Variants in SMAP1 observed in about 807,000 individuals in gnomAD.
SMAP1 encodes the protein small ArfGAP 1, also known as stromal membrane-associated protein 1.
SMAP1 carries 24 observed loss-of-function variants against 58.5 expected under a neutral mutation model. That is an observed-to-expected ratio of 0.41 (90% CI 0.30 to 0.58). SMAP1 has a LOEUF of 0.58. Among genes scored for constraint, SMAP1 ranks in the 20% least tolerant of loss-of-function variants. SMAP1 has a pLI of 0.29. For synonymous variants in SMAP1, 216 were observed against 196.6 expected (o/e 1.10, Z -0.82); for missense variants, 563 against 566.3 (o/e 0.99, Z 0.06).
At chr6:70,761,608 A>G (rs545721769) in intron 3 of SMAP1, among the ~76,000 whole-genome samples, 22 of 152,148 alleles carry the variant, frequency 1.4e-4, no homozygotes, top group African/African-American at 5.3e-4. Flanking sequence ...CAGTACAGTA[A>G]TTCTGTTTCC....
Position 70,798,751 on chromosome 6 carries a change from T to A in SMAP1, c.576+14T>A. On this transcript the variant is annotated intron_variant, in intron 6 of 10. Coordinates refer to ENST00000370455, the MANE Select transcript of SMAP1 (RefSeq NM_001044305.3). ...ACAGCTGAAAAGGTAAAATTCTTTT[T>A]TTAAAAATAATCTATTAGGATTACC... is the stretch of plus-strand genomic sequence containing the variant. 1 of 1,533,856 alleles carries A rather than the reference T, an allele frequency of 6.5e-7. No homozygotes were observed. The highest frequency in any genetic ancestry group is 2.4e-5 in the East Asian group (1 of 41,682).
In SMAP1 at chr6:70,746,445, A is replaced by G. The variant is rs192224331; in HGVS notation, c.253-8535A>G. Among the ~76,000 whole-genome samples the G allele has an allele frequency of 1.8e-3, 274 of 152,146 alleles. 1 individual carries two copies. The highest frequency in any genetic ancestry group is 5.9e-3 in the African/African-American group (247 of 41,516). ...TTGAGATAATCATGTGGTTTTTGTC[A>G]TTGGTTCTGTTTGTGTGATGGATTA... On this transcript the variant is annotated intron_variant, in intron 2 of 10. Coordinates refer to ENST00000370455, the MANE Select transcript of SMAP1 (RefSeq NM_001044305.3).
intron 2 of SMAP1, among the ~76,000 whole-genome samples, chr6:70,751,457 G>T (rs1056559853): frequency 5.8e-4 from 88 of 151,892 alleles, no homozygotes; most frequent in African/African-American, 2.1e-3. Flanking sequence ...TTGAGATGAA[G>T]TATAGTTTAA....
Position 70,844,971 on chromosome 6 carries a change from C to T in SMAP1, c.665-7569C>T, listed in dbSNP as rs114810823. On this transcript the variant is annotated intron_variant, in intron 7 of 10. Coordinates refer to ENST00000370455, the MANE Select transcript of SMAP1 (RefSeq NM_001044305.3). The stretch of plus-strand genomic sequence containing the variant: ...CAGCCTTCTTTAAACAGTGCTGTTT[C>T]CACTTTAATTTCATCACTGGTTATG... Among the ~76,000 whole-genome samples, 1,035 of 152,264 alleles carry T rather than the reference C, an allele frequency of 6.8e-3. 7 individuals are homozygous for T. The highest frequency in any genetic ancestry group is 0.024 in the African/African-American group (992 of 41,550).
intron 2 of SMAP1, among the ~76,000 whole-genome samples, chr6:70,743,564 A>G (rs1217958741): frequency 2.0e-5 from 3 of 152,224 alleles, no homozygotes; most frequent in African/African-American, 7.2e-5. Flanking sequence ...GCACGTAATA[A>G]GCTTTCAGTA....
chr6:70,782,673 C>T (rs571065907), intron 4 of SMAP1, among the ~76,000 whole-genome samples: 8 of 152,280 alleles, frequency 5.3e-5, no homozygotes, highest in Admixed American at 4.6e-4. Context: ...ATCATGAAGA[C>T]AGATGCCTTC....
At chr6:70,843,332 A>G (rs1770871892) in intron 7 of SMAP1, among the ~76,000 whole-genome samples, 1 of 152,218 alleles carries the variant, frequency 6.6e-6, no homozygotes, top group Non-Finnish European at 1.5e-5. Flanking sequence ...ATCTAACCCA[A>G]GTATTAAATT....
intron 5 of SMAP1, 64 bp from the exon 6 acceptor site, chr6:70,798,593 G>A (rs1768708453): frequency 8.1e-7 from 1 of 1,238,856 alleles, no homozygotes; most frequent in African/African-American, 1.5e-5. Context: ...AACTAATAAG[G>A]ATGAGTCAAA....
intron 2 of SMAP1, among the ~76,000 whole-genome samples, chr6:70,747,822 C>CATTT (rs1242423200): frequency 8.1e-4 from 124 of 152,214 alleles, no homozygotes; most frequent in Non-Finnish European, 1.4e-3. Context: ...ACATTCTCTC[C>CATTT]GTTTGTAGTA....
At chr6:70,781,915 T>C (rs942687206) in intron 4 of SMAP1, among the ~76,000 whole-genome samples, 6 of 152,208 alleles carry the variant, frequency 3.9e-5, no homozygotes, top group Non-Finnish European at 7.3e-5. Flanking sequence ...ACTTTGATGG[T>C]GGCCTAGAGA....
intron 1 of SMAP1, among the ~76,000 whole-genome samples, chr6:70,683,257 G>A (rs909530068): frequency 2.1e-5 from 3 of 140,438 alleles, no homozygotes; most frequent in African/African-American, 5.3e-5. Flanking sequence ...TGCAACCTCC[G>A]CCTCCCGTGT....
At chr6:70,688,041 A>G (rs940570198) in intron 1 of SMAP1, among the ~76,000 whole-genome samples, 1 of 152,216 alleles carries the variant, frequency 6.6e-6, no homozygotes, top group Admixed American at 6.5e-5. Context: ...CAAAAATGTT[A>G]TAAAAATAGA....
rs1771675976 is a variant in SMAP1 at position 70,860,594 on chromosome 6, C to T, written c.*260C>T. On this transcript the variant is annotated 3_prime_UTR_variant, in exon 11 of 11. Transcript: ENST00000370455. ...GTACTGCATTATTTGAGAAGCTGCT[C>T]AACTTGCAAAATCAGTTTTCCTCTC... is the stretch of plus-strand genomic sequence containing the variant. 2.3e-6 allele frequency: 1 copy of T among 431,412 alleles called. No individual in the cohort carries two copies. Among genetic ancestry groups the T allele is most frequent in the East Asian group, 3.4e-5 (1 of 29,134 alleles). The allele number at this position is 431,412 out of a possible 1,614,324, so 26.7% of individuals were successfully genotyped here.
At chr6:70,803,374 T>C (rs933973602) in intron 6 of SMAP1, among the ~76,000 whole-genome samples, 4 of 152,212 alleles carry the variant, frequency 2.6e-5, no homozygotes, top group African/African-American at 9.6e-5. Flanking sequence ...TTGCGTCTAT[T>C]TGATTCTTTT....
At chr6:70,753,772 C>T (rs1231079718) in intron 2 of SMAP1, among the ~76,000 whole-genome samples, 1 of 152,006 alleles carries the variant, frequency 6.6e-6, no homozygotes, top group East Asian at 1.9e-4. Context: ...ATGGTAAAGC[C>T]CGCCCCTTTA....
At chr6:70,752,552 T>G (rs748262012) in intron 2 of SMAP1, among the ~76,000 whole-genome samples, 4 of 152,194 alleles carry the variant, frequency 2.6e-5, no homozygotes, top group Non-Finnish European at 5.9e-5. Context: ...GCTATTTTTA[T>G]TATTTTTTTC....
Position 70,766,076 on chromosome 6 carries a change from C to T in SMAP1, c.339-7274C>T, listed in dbSNP as rs147600255. Among the ~76,000 whole-genome samples, 940 of 152,226 alleles carry T rather than the reference C, an allele frequency of 6.2e-3. 12 individuals are homozygous for T. The highest frequency in any genetic ancestry group is 0.022 in the African/African-American group (893 of 41,526). Reference sequence around the variant, plus strand: ...CGTTTCCCTACAAAGGACATGAACTCATCATTTTTTATGGCTGCATAGTAT... The same window carrying T: ...CGTTTCCCTACAAAGGACATGAACTTATCATTTTTTATGGCTGCATAGTAT... On this transcript the variant is annotated intron_variant, in intron 3 of 10. Coordinates refer to ENST00000370455, the MANE Select transcript of SMAP1 (RefSeq NM_001044305.3).
intron 8 of SMAP1, among the ~76,000 whole-genome samples, chr6:70,853,875 G>GA (rs1389989556): frequency 4.6e-5 from 7 of 152,302 alleles, no homozygotes; most frequent in Middle Eastern, 6.8e-3. Context: ...ACCAGAATGT[G>GA]AAAAGCCATT....
chr6:70,702,801 T>C (rs1296184447), intron 1 of SMAP1, among the ~76,000 whole-genome samples: 1 of 151,976 alleles, frequency 6.6e-6, no homozygotes, highest in Non-Finnish European at 1.5e-5. Context: ...TGGTTAATTT[T>C]TGTGTTTGTT....
Sources: allele counts gnomAD v4.1 joint callset (sites outside exome capture counted in the v4.1 genomes callset), GRCh38; gene constraint gnomAD v4.1.1; transcripts MANE v1.5; gene names NCBI Gene and HGNC (gene_info 2026-07-23, HGNC 2026-07-21).